LYVE1: variants seen among roughly 807,000 people sequenced by gnomAD.
LYVE1 encodes the protein lymphatic vessel endothelial hyaluronan receptor 1.
LYVE1 carries 29 observed loss-of-function variants against 31.5 expected under a neutral mutation model. That is an observed-to-expected ratio of 0.92 (90% CI 0.69 to 1.26). The LOEUF (loss-of-function observed/expected upper bound fraction) is 1.26, where lower values mean the gene tolerates loss of function less well. Ranked by LOEUF, LYVE1 falls within the 50% of genes most tolerant of loss-of-function variation. LYVE1 has a pLI of 0.00. For synonymous variants in LYVE1, 134 were observed against 139.4 expected (o/e 0.96, Z 0.27); for missense variants, 376 against 380.2 (o/e 0.99, Z 0.09).
intron 1 of LYVE1, 41 bp from the exon 2 acceptor site, chr11:10,564,415 T>C: frequency 1.9e-6 from 3 of 1,586,338 alleles, no homozygotes; most frequent in Non-Finnish European, 2.6e-6. Flanking sequence ...GCTGCTGTCC[T>C]TGTTTCCAGC....
rs956624901 is a variant in LYVE1 at position 10,557,091 on chromosome 11, C to T, written c.*2020G>A. On this transcript the variant is annotated 3_prime_UTR_variant, in exon 6 of 6. Transcript: ENST00000256178. The stretch of plus-strand genomic sequence containing the variant: ...GACAAACCAGTTTCAAACTCATAGA[C>T]CTACTGGGGCAGGCAGGTGATATAT... 15 of 152,106 alleles carry T rather than the reference C, an allele frequency of 9.9e-5. No homozygotes were observed. The highest frequency in any genetic ancestry group is 3.1e-4 in the African/African-American group (13 of 41,466). 9.4% of individuals were successfully genotyped at this position (152,106 alleles called of 1,614,324 possible). A position where few individuals can be genotyped will look rare whatever the true frequency, so the allele number is the denominator to read the frequency against.
intron 1 of LYVE1, 23 bp from the exon 2 acceptor site, chr11:10,564,397 C>T (rs981543246): frequency 2.5e-6 from 4 of 1,604,328 alleles, no homozygotes; most frequent in African/African-American, 1.3e-5. Context: ...CACATAGGTC[C>T]TCAGTTTGCT....
At chr11:10,560,878 C>G (rs1850411083) in intron 3 of LYVE1, 78 bp from the exon 4 acceptor site, 2 of 1,131,162 alleles carry the variant, frequency 1.8e-6, no homozygotes, top group Admixed American at 4.2e-5. Context: ...GTCTTACTAC[C>G]TCCAAACCCC....
intron 1 of LYVE1, among the ~76,000 whole-genome samples, chr11:10,566,078 G>C (rs1349817807): frequency 6.6e-6 from 1 of 151,936 alleles, no homozygotes; most frequent in Admixed American, 6.6e-5. Flanking sequence ...CCAAAGTGCT[G>C]GGATTACAGG....
chr11:10,566,309 C>G lies in LYVE1; in HGVS notation c.86-1935G>C, dbSNP rs367587016. Among the ~76,000 whole-genome samples the G allele has an allele frequency of 9.7e-4, 148 of 152,070 alleles. No homozygotes were observed. The Middle Eastern group carries it at 0.01, about 10-fold the overall frequency. ...ATTTTTTGTAGAGATGGGGTTTCAC[C>G]ATGTTGGCCAGGCTGGTCTCAAACT... On this transcript the variant is annotated intron_variant, in intron 1 of 5. Coordinates refer to ENST00000256178, the MANE Select transcript of LYVE1 (RefSeq NM_006691.4).
chr11:10,565,091 CA>C (rs1355933706), intron 1 of LYVE1, among the ~76,000 whole-genome samples: 1 of 152,118 alleles, frequency 6.6e-6, no homozygotes, highest in African/African-American at 2.4e-5. Context: ...TTTATAAATT[CA>C]AGGGAGTAAC....
chr11:10,565,636 T>C (rs1850520911), intron 1 of LYVE1, among the ~76,000 whole-genome samples: 1 of 151,988 alleles, frequency 6.6e-6, no homozygotes, highest in Non-Finnish European at 1.5e-5. Context: ...CACTCAATTA[T>C]GCCTGATTCT....
intron 1 of LYVE1, among the ~76,000 whole-genome samples, 155 bp downstream of exon 1, chr11:10,568,293 C>A (rs1850581981): frequency 6.6e-6 from 1 of 152,190 alleles, no homozygotes; most frequent in Non-Finnish European, 1.5e-5. Flanking sequence ...GTGAAGTTGA[C>A]AATATGGTGG....
rs1850590614 is a variant in LYVE1, at chr11:10,568,636, T to C, written c.-104A>G. The C allele has an allele frequency of 4.9e-6, 7 of 1,434,052 alleles. No homozygotes were observed. The highest frequency in any genetic ancestry group is 1.5e-5 in the South Asian group (1 of 66,732). The allele number at this position is 1,434,052 out of a possible 1,614,324, so 88.8% of individuals were successfully genotyped here. A position where few individuals can be genotyped will look rare whatever the true frequency, so the allele number is the denominator to read the frequency against. Reference sequence around the variant, plus strand: ...CCGGATGGAGAGTTCTGGAACTATGTTGAGGCTCACACTCACTGCTCCACT... The same window carrying C: ...CCGGATGGAGAGTTCTGGAACTATGCTGAGGCTCACACTCACTGCTCCACT... On this transcript the variant is annotated 5_prime_UTR_variant, in exon 1 of 6. Transcript: ENST00000256178.
At position 10,564,479 on chromosome 11, in the gene LYVE1, A is replaced by G. The variant is rs573068650; in HGVS notation, c.86-105T>C. 2.3e-4 allele frequency: 248 copies of G among 1,056,590 alleles called. No homozygotes were observed. In the African/African-American group the frequency reaches 3.5e-3, roughly 15 times the overall value. 65.5% of individuals were successfully genotyped at this position (1,056,590 alleles called of 1,614,324 possible). A position where few individuals can be genotyped will look rare whatever the true frequency, so the allele number is the denominator to read the frequency against. ...ATCGTCCTGATGCGCAGGGAGGTCT[A>G]TCTGGCTGGGACTGGGGTTTAGAAT... On this transcript the variant is annotated intron_variant, in intron 1 of 5. Transcript: ENST00000256178.
chr11:10,560,888 C>T, intron 3 of LYVE1, 88 bp from the exon 4 acceptor site: 1 of 1,035,046 alleles, frequency 9.7e-7, no homozygotes, highest in South Asian at 1.6e-5. Context: ...CTCCAAACCC[C>T]TTATACCGCA....
rs1165579258 is a variant in LYVE1, at chr11:10,560,606, T to G, written c.592A>C (p.Lys198Gln). 4 of 1,614,038 alleles carry G rather than the reference T, an allele frequency of 2.5e-6. No homozygotes were observed. The South Asian group carries it at 4.4e-5, about 18-fold the overall frequency. ...PASTSIPRRKKLICVTEVFME... is the reference protein window; with the variant it reads ...PASTSIPRRKQLICVTEVFME... Reference sequence around the variant, plus strand: ...AAAACTTCTGTGACACAAATCAATTTTTTTCTCCGTGGAATAGAAGTGGAA... The same window carrying G: ...AAAACTTCTGTGACACAAATCAATTGTTTTCTCCGTGGAATAGAAGTGGAA... The change falls in exon 4 of 6, where the codon AAA (lysine) becomes CAA (glutamine). Residue 198 changes from lysine (K) to glutamine (Q), a missense_variant. Lys to Gln is a moderately conservative substitution (Grantham distance 53). Coordinates refer to ENST00000256178, the MANE Select transcript of LYVE1 (RefSeq NM_006691.4).
intron 3 of LYVE1, 85 bp from the exon 4 acceptor site, chr11:10,560,885 C>T: frequency 9.5e-7 from 1 of 1,050,144 alleles, no homozygotes; most frequent in South Asian, 1.5e-5. Context: ...TACCTCCAAA[C>T]CCCTTATACC....
At chr11:10,560,825 T>C (rs755433931) in intron 3 of LYVE1, 25 bp from the exon 4 acceptor site, 1 of 1,568,164 alleles carries the variant, frequency 6.4e-7, no homozygotes, top group South Asian at 1.2e-5. Flanking sequence ...AAACATGGAA[T>C]AAAAGTATTG....
In LYVE1 at chr11:10,564,352, G is replaced by C. The variant is rs757068480; in HGVS notation, c.108C>G (p.Cys36Trp). The C allele has an allele frequency of 1.2e-6, 2 of 1,613,700 alleles. No individual in the cohort carries two copies. Among genetic ancestry groups the C allele is most frequent in the Non-Finnish European group, 1.7e-6 (2 of 1,179,862 alleles). The change falls in exon 2 of 6, where the codon TGC becomes TGG. Residue 36 changes from cysteine (C) to tryptophan (W), a missense_variant. Cys to Trp is a radical substitution (Grantham distance 215). Transcript: ENST00000256178. ...TCACAAGGGTGATCCCCATAATTCT[G>C]CATGACACCTGGATGGAAAGCTCTG... ...RAEELSIQVSCRIMGITLVSK... is the reference protein window; with the variant it reads ...RAEELSIQVSWRIMGITLVSK...
In LYVE1 at chr11:10,568,646, C is replaced by T; in HGVS notation, c.-114G>A. On this transcript the variant is annotated 5_prime_UTR_variant, in exon 1 of 6. The change creates a new upstream start codon in the 5' untranslated region. Transcript: ENST00000256178. Reference sequence around the variant, plus strand: ...AGTTCTGGAACTATGTTGAGGCTCACACTCACTGCTCCACTTCATAACCGA... The same window carrying T: ...AGTTCTGGAACTATGTTGAGGCTCATACTCACTGCTCCACTTCATAACCGA... 1 of 1,373,486 alleles carries T rather than the reference C, an allele frequency of 7.3e-7. No individual in the cohort carries two copies. Among genetic ancestry groups the T allele is most frequent in the Non-Finnish European group, 9.5e-7 (1 of 1,052,112 alleles). 85.1% of individuals were successfully genotyped at this position (1,373,486 alleles called of 1,614,324 possible). A position where few individuals can be genotyped will look rare whatever the true frequency, so the allele number is the denominator to read the frequency against.
Position 10,557,349 on chromosome 11 carries a change from G to A in LYVE1, c.*1762C>T, listed in dbSNP as rs1850336229. 6.6e-6 allele frequency: 1 copy of A among 152,202 alleles called. No individual in the cohort carries two copies. Among genetic ancestry groups the A allele is most frequent in the African/African-American group, 2.4e-5 (1 of 41,448 alleles). 9.4% of individuals were successfully genotyped at this position (152,202 alleles called of 1,614,324 possible). On this transcript the variant is annotated 3_prime_UTR_variant, in exon 6 of 6. Coordinates refer to ENST00000256178, the MANE Select transcript of LYVE1 (RefSeq NM_006691.4). ...TCTTTCCATTTTTAGAGGGAACCCA[G>A]AAATGTAACCATGTGAAATCTCTTG...
chr11:10,562,946 CTTTTTTTT>C (rs71034774), intron 3 of LYVE1, among the ~76,000 whole-genome samples: 3 of 79,456 alleles, frequency 3.8e-5, no homozygotes, highest in African/African-American at 4.7e-5. Context: ...AACTCGGTTT[CTTTTTTTT>C]TTTTTTTTTT....
At position 10,559,887 on chromosome 11, in the gene LYVE1, G is replaced by A. The variant is rs774758262; in HGVS notation, c.711C>T (p.Pro237=). ...KNEAAGFGGV[P]TALLVLALLF... is the part of the protein sequence containing the mutation. ...GGAGAGCAAGCACTAGCAGAGCCGT[G>A]GGGACACCTGCAAGGAACAGAGACA... Residue 237 remains proline, a synonymous_variant, in exon 5 of 6, where the codon CCC becomes CCT. Transcript: ENST00000256178. 2 of 1,613,328 alleles carry A rather than the reference G, an allele frequency of 1.2e-6. No homozygotes were observed. Among genetic ancestry groups the A allele is most frequent in the Non-Finnish European group, 8.5e-7 (1 of 1,179,348 alleles).
Sources: gnomAD v4.1 joint callset for allele counts (sites outside exome capture counted in the v4.1 genomes callset) on GRCh38, gnomAD v4.1.1 for gene constraint, MANE v1.5 for transcripts, NCBI Gene and HGNC (gene_info 2026-07-23, HGNC 2026-07-21) for gene names.